The following SEMA5A variants were observed in gnomAD, a reference collection of about 807,000 sequenced individuals.
SEMA5A encodes semaphorin 5A.
Under a neutral mutation model 135.5 loss-of-function variants are expected in SEMA5A, and 55 were observed. The ratio of observed to expected loss-of-function variants is 0.41; its 90% CI spans 0.33 to 0.51. SEMA5A has a LOEUF of 0.51. SEMA5A is among the 20% of genes least tolerant of loss of function. SEMA5A has a pLI of 0.37. For missense variants in SEMA5A, 1,290 were observed against 1,419.9 expected, an observed-to-expected ratio of 0.91 and a Z score of 1.47; for synonymous variants, 580 against 546.5, an observed-to-expected ratio of 1.06 and a Z score of -0.85.
In SEMA5A at chr5:9,197,772, GTGTGTGTGTGTGTTTT is replaced by G. The variant is rs1380577580; in HGVS notation, c.933-485_933-470del. ...TGTGTGTGTGTGTGTGTGTGTGTGT[GTGTGTGTGTGTGTTTT>G]AACCCAGATATTTGTTTTATTTGTC... On this transcript the variant is annotated intron_variant, in intron 9 of 22. Coordinates refer to ENST00000382496, the MANE Select transcript of SEMA5A (RefSeq NM_003966.3). 2.3e-3 allele frequency among the ~76,000 whole-genome samples: 311 copies of G among 133,038 alleles called. 5 individuals are homozygous for G. The highest frequency in any genetic ancestry group is 7.4e-3 in the African/African-American group (268 of 36,026). The allele number at this position is 133,038 out of a possible 152,430, so 87.3% of individuals were successfully genotyped here. A position where few individuals can be genotyped will look rare whatever the true frequency, so the allele number is the denominator to read the frequency against.
chr5:9,190,012 T>A (rs1334179441), intron 11 of SEMA5A, among the ~76,000 whole-genome samples: 1 of 152,152 alleles, frequency 6.6e-6, no homozygotes, highest in Non-Finnish European at 1.5e-5. Flanking sequence ...TTATGAATAG[T>A]TGAGGAATAA....
Position 9,545,790 on chromosome 5 carries a change from A to T in SEMA5A, c.-381T>A, listed in dbSNP as rs1738360654. ...AGCACGGTCCCCGAGCGCGCGGCCA[A>T]CCGGTGGGTGGGCAGGTTCGCGCCC... On this transcript the variant is annotated 5_prime_UTR_variant, in exon 1 of 23. It adds an upstream start codon to the 5' untranslated region. Transcript: ENST00000382496. This position sits in a 1 kb window ranked among gnomAD's most constrained non-coding sequence, Gnocchi z 4.5. 1 of 152,310 alleles carries T rather than the reference A, an allele frequency of 6.6e-6. No homozygotes were observed. The highest frequency in any genetic ancestry group is 1.5e-5 in the Non-Finnish European group (1 of 68,172). The allele number at this position is 152,310 out of a possible 1,614,324, so 9.4% of individuals were successfully genotyped here.
At chr5:9,497,887 A>T (rs765880729) in intron 1 of SEMA5A, among the ~76,000 whole-genome samples, 1 of 152,102 alleles carries the variant, frequency 6.6e-6, no homozygotes, top group African/African-American at 2.4e-5. Flanking sequence ...TTAGAGGAAG[A>T]TTCATTCTAT....
At chr5:9,065,211 G>C (rs1737398522) in intron 17 of SEMA5A, among the ~76,000 whole-genome samples, 1 of 152,212 alleles carries the variant, frequency 6.6e-6, no homozygotes, top group Non-Finnish European at 1.5e-5. Context: ...ATAGGATGAG[G>C]AAGCAGGCTT....
chr5:9,461,689 G>C (rs1759063133), intron 1 of SEMA5A, among the ~76,000 whole-genome samples: 1 of 152,148 alleles, frequency 6.6e-6, no homozygotes, highest in African/African-American at 2.4e-5. Flanking sequence ...GTAAGAAGCG[G>C]TGTAATTAGA....
At chr5:9,238,954 A>G (rs1223824718) in intron 5 of SEMA5A, among the ~76,000 whole-genome samples, 1 of 152,172 alleles carries the variant, frequency 6.6e-6, no homozygotes, top group African/African-American at 2.4e-5. Context: ...GTCAAATCAT[A>G]TGAAGGAAAA....
At chr5:9,476,337 T>C (rs948503421) in intron 1 of SEMA5A, among the ~76,000 whole-genome samples, 1 of 152,194 alleles carries the variant, frequency 6.6e-6, no homozygotes, top group East Asian at 1.9e-4. Flanking sequence ...ACATCAACCC[T>C]TGCACATGTT....
chr5:9,455,341 C>T (rs1474075264), intron 1 of SEMA5A, among the ~76,000 whole-genome samples: 1 of 151,794 alleles, frequency 6.6e-6, no homozygotes, highest in African/African-American at 2.4e-5. Context: ...CTGTAATCTC[C>T]GCCTCCCAGG....
At chr5:9,314,324 A>G (rs1752296922) in intron 5 of SEMA5A, among the ~76,000 whole-genome samples, 1 of 151,762 alleles carries the variant, frequency 6.6e-6, no homozygotes, top group South Asian at 2.1e-4. Flanking sequence ...CCAAATCCAA[A>G]TGTGATGGAA....
chr5:9,111,215 A>C (rs1219518435), intron 15 of SEMA5A, among the ~76,000 whole-genome samples: 2 of 152,202 alleles, frequency 1.3e-5, no homozygotes, highest in African/African-American at 4.8e-5. Flanking sequence ...CTGATTCACC[A>C]GCATTTAAAA....
chr5:9,434,176 T>C (rs1003432347), intron 2 of SEMA5A, among the ~76,000 whole-genome samples: 1 of 152,206 alleles, frequency 6.6e-6, no homozygotes, highest in Non-Finnish European at 1.5e-5. Flanking sequence ...GATAGAGTAT[T>C]ACATATACAT....
intron 3 of SEMA5A, among the ~76,000 whole-genome samples, chr5:9,358,255 C>T (rs943177192): frequency 1.6e-4 from 25 of 152,206 alleles, no homozygotes; most frequent in African/African-American, 6.0e-4. Context: ...AAGAACCACA[C>T]TGGCTCCATT....
chr5:9,258,897 C>T (rs557573342), intron 5 of SEMA5A, among the ~76,000 whole-genome samples: 2 of 131,836 alleles, frequency 1.5e-5, no homozygotes, highest in South Asian at 5.4e-4. Flanking sequence ...TCACTGGAAC[C>T]TCTGCCTCCT....
chr5:9,194,534 A>G lies in SEMA5A; in HGVS notation c.1068+2634T>C, dbSNP rs202183487. ...GGGAGGGATCGTTAGTTCAAATTGA[A>G]TTCCCACTCTATGCCAGTCTGGATG... On this transcript the variant is annotated intron_variant, in intron 10 of 22. Coordinates refer to ENST00000382496, the MANE Select transcript of SEMA5A (RefSeq NM_003966.3). Among the ~76,000 whole-genome samples the G allele has an allele frequency of 4.6e-4, 70 of 152,334 alleles. 1 individual carries two copies. The East Asian group carries it at 0.011, about 25-fold the overall frequency.
chr5:9,363,963 C>A (rs1754807954), intron 3 of SEMA5A, among the ~76,000 whole-genome samples: 1 of 152,168 alleles, frequency 6.6e-6, no homozygotes, highest in African/African-American at 2.4e-5. Flanking sequence ...ATGGGAGAAG[C>A]ACAGTATTTC....
chr5:9,375,439 C>A (rs1755325836), intron 3 of SEMA5A, among the ~76,000 whole-genome samples: 2 of 151,854 alleles, frequency 1.3e-5, no homozygotes, highest in African/African-American at 4.8e-5. Flanking sequence ...TGTCCATGAG[C>A]AAAGGAATGC....
intron 12 of SEMA5A, 82 bp from the exon 13 acceptor site, chr5:9,136,703 G>T (rs1035323719): frequency 7.2e-6 from 8 of 1,110,804 alleles, no homozygotes; most frequent in Non-Finnish European, 1.1e-5. Context: ...CCTGTCCCTT[G>T]GCAGAGAGGT....
At chr5:9,322,543 A>G (rs751798694) in intron 4 of SEMA5A, among the ~76,000 whole-genome samples, 1 of 152,186 alleles carries the variant, frequency 6.6e-6, no homozygotes, top group African/African-American at 2.4e-5. Context: ...TTGCAAGATA[A>G]AAATTGGTGA....
rs1042136836 is a variant in SEMA5A at position 9,376,761 on chromosome 5, G to A, written c.124+3062C>T. ...GAGATGCCATTTATGCACTGAGTTT[G>A]GTCCAAATCCCAAAGCCTGACGGTG... On this transcript the variant is annotated intron_variant, in intron 3 of 22. Transcript: ENST00000382496. 3.3e-5 allele frequency among the ~76,000 whole-genome samples: 5 copies of A among 152,056 alleles called. No individual in the cohort carries two copies. In the South Asian group the frequency reaches 1.0e-3, roughly 31 times the overall value.
Sources: allele counts gnomAD v4.1 joint callset (sites outside exome capture counted in the v4.1 genomes callset), GRCh38; gene constraint gnomAD v4.1.1; non-coding constraint Gnocchi (gnomAD v3.1); transcripts MANE v1.5; gene names NCBI Gene and HGNC (gene_info 2026-07-23, HGNC 2026-07-21).